ATRN: variants seen among roughly 807,000 people sequenced by gnomAD.
ATRN encodes attractin, also known as attractin-2.
In ATRN, 54 loss-of-function variants were observed where a neutral mutation model predicts 178.7. The observed-to-expected ratio is 0.30, with a 90% CI of 0.24 to 0.38. ATRN has a LOEUF of 0.38. Ranked by LOEUF, ATRN falls within the 10% of genes least tolerant of loss-of-function variation. The pLI is 1.00. For missense variants in ATRN, 1,443 were observed against 1,815.1 expected, an observed-to-expected ratio of 0.79 and a Z score of 3.73; for synonymous variants, 636 against 663.0, an observed-to-expected ratio of 0.96 and a Z score of 0.63.
chr20:3,558,439 A>G (rs958086614), intron 6 of ATRN, among the ~76,000 whole-genome samples: 12 of 152,028 alleles, frequency 7.9e-5, no homozygotes, highest in Admixed American at 2.6e-4. Flanking sequence ...ATGCTTATAT[A>G]TGATAATGTT....
intron 1 of ATRN, among the ~76,000 whole-genome samples, chr20:3,521,110 G>C (rs988495099): frequency 6.6e-6 from 1 of 152,266 alleles, no homozygotes; most frequent in Non-Finnish European, 1.5e-5. Flanking sequence ...AGGGGAGGTT[G>C]GGAGGCGGGG....
intron 1 of ATRN, among the ~76,000 whole-genome samples, chr20:3,484,179 T>G (rs929089701): frequency 2.6e-5 from 4 of 152,010 alleles, no homozygotes; most frequent in Admixed American, 2.6e-4. Flanking sequence ...AGCCCAGCAG[T>G]TTGAGGCTGC....
chr20:3,549,437 C>A, intron 6 of ATRN, 99 bp downstream of exon 6: 1 of 1,057,596 alleles, frequency 9.5e-7, no homozygotes, highest in Non-Finnish European at 1.3e-6. Context: ...CATTCTACTA[C>A]CTAAAGAAAA....
intron 24 of ATRN, among the ~76,000 whole-genome samples, chr20:3,606,676 C>G (rs2086681377): frequency 6.6e-6 from 1 of 152,210 alleles, no homozygotes; most frequent in South Asian, 2.1e-4. Context: ...CATTTGCATT[C>G]CTGGGATAAA....
chr20:3,506,936 G>T (rs1396757133), intron 1 of ATRN, among the ~76,000 whole-genome samples: 1 of 151,928 alleles, frequency 6.6e-6, no homozygotes, highest in Non-Finnish European at 1.5e-5. Context: ...CCTTAGAAGA[G>T]AATTAGTTAA....
intron 1 of ATRN, among the ~76,000 whole-genome samples, chr20:3,512,687 A>G (rs1017905612): frequency 6.6e-6 from 1 of 152,278 alleles, no homozygotes; most frequent in Non-Finnish European, 1.5e-5. Flanking sequence ...CGCCACACTG[A>G]CTTCCACAAT....
At chr20:3,473,174 C>G (rs1229494825) in intron 1 of ATRN, among the ~76,000 whole-genome samples, 1 of 152,126 alleles carries the variant, frequency 6.6e-6, no homozygotes, top group African/African-American at 2.4e-5. Context: ...CCTGCTCTTA[C>G]GGAGCTCACA....
intron 1 of ATRN, among the ~76,000 whole-genome samples, chr20:3,512,984 G>C (rs2085157453): frequency 6.6e-6 from 1 of 152,096 alleles, no homozygotes; most frequent in South Asian, 2.1e-4. Flanking sequence ...ATTTGTTTGA[G>C]TTCTTTGTAG....
At chr20:3,487,135 A>G (rs1278755233) in intron 1 of ATRN, among the ~76,000 whole-genome samples, 1 of 152,060 alleles carries the variant, frequency 6.6e-6, no homozygotes, top group Non-Finnish European at 1.5e-5. Context: ...TGTATTTTTA[A>G]TTTCTAGAGG....
At position 3,644,286 on chromosome 20, in the gene ATRN, A is replaced by C; in HGVS notation, c.4165+18A>C. 6.4e-7 allele frequency: 1 copy of C among 1,565,182 alleles called. No homozygotes were observed. The highest frequency in any genetic ancestry group is 8.8e-7 in the Non-Finnish European group (1 of 1,135,340). On this transcript the variant is annotated intron_variant, in intron 28 of 28. Transcript: ENST00000262919. ...GCAGTCAGGTGAGTAGATGCGGTCC[A>C]GCGAAAGACACCTTCTAAGCATGTG... is the stretch of plus-strand genomic sequence containing the variant.
At chr20:3,495,055 G>A (rs990373029) in intron 1 of ATRN, among the ~76,000 whole-genome samples, 1 of 152,130 alleles carries the variant, frequency 6.6e-6, no homozygotes, top group Non-Finnish European at 1.5e-5. Context: ...TATAATGGTT[G>A]TAGCTTTATT....
intron 24 of ATRN, among the ~76,000 whole-genome samples, chr20:3,615,556 T>C (rs900600149): frequency 2.7e-5 from 4 of 149,344 alleles, no homozygotes; most frequent in Admixed American, 2.7e-4. Flanking sequence ...TTTTCTTTTT[T>C]CTTTTTTTTT....
chr20:3,584,048 A>G lies in ATRN; in HGVS notation c.2915A>G (p.Gln972Arg), dbSNP rs1009085769. 2 of 1,614,136 alleles carry G rather than the reference A, an allele frequency of 1.2e-6. No individual in the cohort carries two copies. The highest frequency in any genetic ancestry group is 1.7e-6 in the Non-Finnish European group (2 of 1,180,014). ...NAYVASFPFGQCMEWYTMSTC... is the reference protein window; with the variant it reads ...NAYVASFPFGRCMEWYTMSTC... The stretch of plus-strand genomic sequence containing the variant: ...TACGTGGCCTCCTTCCCTTTTGGCC[A>G]GTGTATGGAATGGTATACGATGAGC... Residue 972 changes from glutamine to arginine, a missense_variant, in exon 17 of 29, where the codon CAG (glutamine) becomes CGG (arginine). By Grantham distance (43) the Gln-to-Arg change is conservative. Around this residue, in one of 4 missense-constraint regions of ATRN, gnomAD observed 212 missense variants for 330.7 expected, o/e 0.64. Transcript: ENST00000262919.
In ATRN at chr20:3,572,809, G is replaced by A. The variant is rs906238791; in HGVS notation, c.1950G>A (p.Ala650=). The change falls in exon 12 of 29, where the codon GCG becomes GCA. Residue 650 remains alanine, a synonymous_variant. Coordinates refer to ENST00000262919, the MANE Select transcript of ATRN (RefSeq NM_139321.3). ...TATTCACCTCGGAACAGTGTGATGC[G>A]CATCGGAGTGAAGCCGCTTGTTTAG... The part of the protein sequence containing the change: ...ILVFTSEQCD[A]HRSEAACLAA... The A allele has an allele frequency of 9.9e-6, 16 of 1,613,690 alleles. No individual in the cohort carries two copies. Among genetic ancestry groups the A allele is most frequent in the East Asian group, 2.2e-5 (1 of 44,886 alleles).
At position 3,646,723 on chromosome 20, in the gene ATRN, G is replaced by C; in HGVS notation, c.4166G>C (p.Gly1389Ala). 2 of 1,599,732 alleles carry C rather than the reference G, an allele frequency of 1.3e-6. No individual in the cohort carries two copies. The highest frequency in any genetic ancestry group is 2.7e-5 in the African/African-American group (2 of 74,780). ...ATGTTCTCTCTGTGGTTCTCCCAAG[G>C]TCTTGCTGTGGCCAGCGCCCTGGTG... ...LGGIPPPGQS[G>A]LAVASALVDI... The change falls in exon 29 of 29, where the codon GGT (glycine) becomes GCT (alanine). Residue 1389 changes from glycine (G) to alanine (A), a missense_variant and splice_region_variant. Physicochemically the swap from Gly to Ala is moderately conservative, Grantham distance 60 (BLOSUM62 0). Transcript: ENST00000262919.
intron 13 of ATRN, among the ~76,000 whole-genome samples, 182 bp from the exon 14 acceptor site, chr20:3,576,674 TATC>T (rs1358393271): frequency 8.6e-6 from 1 of 116,780 alleles, no homozygotes; most frequent in Admixed American, 9.6e-5. Context: ...GCAACTTATC[TATC>T]TATCTGTCTG....
chr20:3,543,196 A>C (rs1353144207), intron 3 of ATRN, among the ~76,000 whole-genome samples: 2 of 152,138 alleles, frequency 1.3e-5, no homozygotes. Context: ...ACGTATACAC[A>C]CACCTGTGTG....
chr20:3,567,704 G>A (rs1226905118), intron 11 of ATRN, among the ~76,000 whole-genome samples: 3 of 152,174 alleles, frequency 2.0e-5, no homozygotes, highest in Non-Finnish European at 4.4e-5. Flanking sequence ...GGTGAGCTGT[G>A]CCTTCCTTGG....
chr20:3,629,337 C>T (rs1434044433), intron 25 of ATRN: 1 of 979,610 alleles, frequency 1.0e-6, no homozygotes, highest in Admixed American at 6.2e-5. Context: ...GCACTCTTCT[C>T]TTCCACATTT....
Sources: allele counts gnomAD v4.1 joint callset (sites outside exome capture counted in the v4.1 genomes callset), GRCh38; gene constraint gnomAD v4.1.1; regional missense constraint gnomAD v4.1.1; transcripts MANE v1.5; gene names NCBI Gene and HGNC (gene_info 2026-07-23, HGNC 2026-07-21).